Variants in TOGARAM1 observed in about 807,000 individuals in gnomAD.
TOGARAM1 encodes TOG array regulator of axonemal microtubules protein 1.
A neutral mutation model predicts 166.6 loss-of-function variants in TOGARAM1; 100 were observed. The observed-to-expected ratio is 0.60, with a 90% CI of 0.51 to 0.71. The LOEUF (loss-of-function observed/expected upper bound fraction) is 0.71, where lower values mean the gene tolerates loss of function less well. TOGARAM1 is among the 30% of genes least tolerant of loss of function. The pLI is 0.00. For synonymous variants in TOGARAM1, 758 were observed against 763.8 expected, an observed-to-expected ratio of 0.99 and a Z score of 0.13; for missense variants, 2,029 against 2,102.7, an observed-to-expected ratio of 0.96 and a Z score of 0.69.
intron 4 of TOGARAM1, among the ~76,000 whole-genome samples, chr14:45,005,798 C>G (rs1020683545): frequency 1.3e-5 from 2 of 152,068 alleles, no homozygotes; most frequent in African/African-American, 2.4e-5. Flanking sequence ...TACTTTGATT[C>G]TCTTCTATTA....
chr14:44,975,345 T>C (rs1510518), intron 1 of TOGARAM1, among the ~76,000 whole-genome samples: 1 of 152,212 alleles, frequency 6.6e-6, no homozygotes, highest in Non-Finnish European at 1.5e-5. Context: ...TAATATAAGT[T>C]AATAGATTGT....
intron 7 of TOGARAM1, chr14:45,022,904 T>A (rs1402506458): frequency 2.6e-5 from 4 of 152,224 alleles, no homozygotes; most frequent in African/African-American, 9.6e-5. Context: ...TCCTGATGTT[T>A]GATAGGTGTT....
intron 19 of TOGARAM1, 107 bp downstream of exon 19, chr14:45,071,905 C>A: frequency 1.4e-6 from 1 of 729,428 alleles, no homozygotes. Flanking sequence ...TAGCTACCCA[C>A]AAAGTAGAAA....
chr14:45,027,586 T>C, intron 9 of TOGARAM1, 112 bp downstream of exon 9: 1 of 868,652 alleles, frequency 1.2e-6, no homozygotes, highest in Non-Finnish European at 1.6e-6. Flanking sequence ...TAAAAAATCT[T>C]AGTACAGTTG....
intron 1 of TOGARAM1, 93 bp from the exon 2 acceptor site, chr14:44,995,653 C>A: frequency 1.1e-6 from 1 of 885,510 alleles, no homozygotes; most frequent in African/African-American, 1.7e-5. Context: ...TTATTCTAAC[C>A]TGAATTTCAT....
chr14:44,971,803 A>C (rs1416238266), intron 1 of TOGARAM1, among the ~76,000 whole-genome samples: 3 of 152,192 alleles, frequency 2.0e-5, no homozygotes, highest in African/African-American at 7.2e-5. Flanking sequence ...CTTGTATGTA[A>C]CTTAGAAGTG....
chr14:45,004,039 A>C, intron 3 of TOGARAM1, 22 bp from the exon 4 acceptor site: 1 of 1,580,424 alleles, frequency 6.3e-7, no homozygotes, highest in African/African-American at 1.4e-5. Context: ...TAAATAATAT[A>C]TTATCTTTTG....
At chr14:45,031,886 A>G (rs1881179655) in intron 10 of TOGARAM1, among the ~76,000 whole-genome samples, 1 of 152,148 alleles carries the variant, frequency 6.6e-6, no homozygotes, top group South Asian at 2.1e-4. Flanking sequence ...TTGGCCAGGC[A>G]TGGTGGCTCA....
rs1200414644 is a variant in TOGARAM1 at position 45,045,583 on chromosome 14, ATGTGTGTGTGTGTGTGTGTG to A, written c.4154+729_4154+748del. On this transcript the variant is annotated intron_variant, in intron 13 of 19. Transcript: ENST00000361462. ...TATATATATATATATATATATATAT[ATGTGTGTGTGTGTGTGTGTG>A]TGTGTGTGTGTGTGTATATATATGT... Among the ~76,000 whole-genome samples the A allele has an allele frequency of 9.3e-3, 349 of 37,384 alleles. 12 individuals are homozygous for A. The highest frequency in any genetic ancestry group is 0.036 in the African/African-American group (277 of 7,686). 24.5% of individuals were successfully genotyped at this position (37,384 alleles called of 152,430 possible).
Position 44,962,855 on chromosome 14 carries a change from T to G in TOGARAM1, c.434T>G (p.Val145Gly), listed in dbSNP as rs1885257580. Reference sequence around the variant, plus strand: ...TATCGGGCACTGGGCCGAGTGCTTGTGGAAGGAGGTAGTGATGAGAAGCGG... The same window carrying G: ...TATCGGGCACTGGGCCGAGTGCTTGGGGAAGGAGGTAGTGATGAGAAGCGG... ...ALYRALGRVL[V>G]EGGSDEKRLC... The change falls in exon 1 of 20, where the codon GTG becomes GGG. Residue 145 changes from valine (V) to glycine (G), a missense_variant. This residue lies in a region of TOGARAM1 where 1,453 missense variants were observed against 1,432.2 expected (regional missense o/e 1.01). Coordinates refer to ENST00000361462, the MANE Select transcript of TOGARAM1 (RefSeq NM_001308120.2). 1 of 1,613,316 alleles carries G rather than the reference T, an allele frequency of 6.2e-7. No homozygotes were observed. Among genetic ancestry groups the G allele is most frequent in the Non-Finnish European group, 8.5e-7 (1 of 1,180,022 alleles).
At chr14:45,071,075 C>T (rs1443249212) in intron 18 of TOGARAM1, among the ~76,000 whole-genome samples, 1 of 152,060 alleles carries the variant, frequency 6.6e-6, no homozygotes. Context: ...GCACGCACCA[C>T]CACGCCCAGC....
chr14:44,978,376 A>G (rs1886328396), intron 1 of TOGARAM1: 1 of 152,260 alleles, frequency 6.6e-6, no homozygotes, highest in African/African-American at 2.4e-5. Context: ...CCATACATGT[A>G]TGACATATAT....
At chr14:45,067,024 A>C (rs1028967207) in intron 17 of TOGARAM1, among the ~76,000 whole-genome samples, 27 of 152,334 alleles carry the variant, frequency 1.8e-4, no homozygotes, top group African/African-American at 6.5e-4. Context: ...CCTTCTCTCT[A>C]TATCTATATA....
At chr14:45,065,556 C>A (rs1182601210) in intron 16 of TOGARAM1, among the ~76,000 whole-genome samples, 1 of 152,162 alleles carries the variant, frequency 6.6e-6, no homozygotes, top group Non-Finnish European at 1.5e-5. Context: ...ATTGAGTTAC[C>A]CCTTTATAGC....
chr14:45,066,532 A>G, intron 16 of TOGARAM1, 46 bp from the exon 17 acceptor site: 1 of 1,455,434 alleles, frequency 6.9e-7, no homozygotes, highest in Non-Finnish European at 9.3e-7. Context: ...AATAGTTTTT[A>G]TAGGAAAGTA....
At chr14:45,021,212 C>T (rs1026197160) in intron 7 of TOGARAM1, among the ~76,000 whole-genome samples, 9 of 152,094 alleles carry the variant, frequency 5.9e-5, no homozygotes, top group Non-Finnish European at 1.3e-4. Context: ...TCCTCCCGGA[C>T]AACTAGGATT....
chr14:45,035,362 T>G (rs1594677267), intron 11 of TOGARAM1, among the ~76,000 whole-genome samples: 1 of 133,450 alleles, frequency 7.5e-6, no homozygotes, highest in South Asian at 2.3e-4. Context: ...CTGTCTCAAG[T>G]AAAAAAAAAA....
chr14:44,976,209 C>T (rs1886182364), intron 1 of TOGARAM1, among the ~76,000 whole-genome samples: 2 of 152,184 alleles, frequency 1.3e-5, no homozygotes, highest in South Asian at 4.1e-4. Context: ...CCCCTTTCCC[C>T]TTACTGCTTC....
chr14:44,983,195 G>A (rs971060574), intron 1 of TOGARAM1, among the ~76,000 whole-genome samples: 1 of 152,160 alleles, frequency 6.6e-6, no homozygotes, highest in African/African-American at 2.4e-5. Context: ...GAAAGGAAAG[G>A]AGATATGTTC....
Sources: gnomAD v4.1 joint callset for allele counts (sites outside exome capture counted in the v4.1 genomes callset) on GRCh38, gnomAD v4.1.1 for gene constraint, gnomAD v4.1.1 regional missense constraint, MANE v1.5 for transcripts, NCBI Gene and HGNC (gene_info 2026-07-23, HGNC 2026-07-21) for gene names.